Variants in PHKA1 observed in about 807,000 individuals in gnomAD.
PHKA1 encodes the protein phosphorylase b kinase regulatory subunit alpha, skeletal muscle isoform.
In PHKA1, 60 loss-of-function variants were observed where a neutral mutation model predicts 110.2. The observed-to-expected ratio is 0.54, with a 90% confidence interval of 0.44 to 0.68. The LOEUF (loss-of-function observed/expected upper bound fraction) is 0.68. Among genes scored for constraint, PHKA1 ranks in the 30% least tolerant of loss-of-function variants. The pLI is 0.00. For missense variants in PHKA1, 801 were observed against 942.5 expected (o/e 0.85, Z 1.97); for synonymous variants, 316 against 333.6 (o/e 0.95, Z 0.58).
At position 72,710,827 on chromosome X, in the gene PHKA1, TTTTTATTTTTTTATTTTTTTTTTTA is replaced by T. The variant is rs1345654967; in HGVS notation, c.237+1927_237+1951del. On this transcript the variant is annotated intron_variant, in intron 2 of 31. Coordinates refer to ENST00000373542, the MANE Select transcript of PHKA1 (RefSeq NM_002637.4). ...CTCTGTTAAATTCTTTATTTTTTAT[TTTTTATTTTTTTATTTTTTTTTTTA>T]TTTTTATTTTTATTTTTTATTTTTT... Among the ~76,000 whole-genome samples, 196 of 105,807 alleles carry T rather than the reference TTTTTATTTTTTTATTTTTTTTTTTA, an allele frequency of 1.9e-3. 1 individual carries two copies. Among genetic ancestry groups the T allele is most frequent in the Middle Eastern group, 9.6e-3 (2 of 208 alleles). The allele number at this position is 105,807 out of a possible 115,157, so 91.9% of individuals were successfully genotyped here.
chrX:72,633,283 C>T (rs929749322), intron 16 of PHKA1, among the ~76,000 whole-genome samples: 5 of 110,901 alleles, frequency 4.5e-5, no homozygotes, highest in Middle Eastern at 4.6e-3. Flanking sequence ...TGGATGGGAT[C>T]GGGGCCCTTA....
intron 4 of PHKA1, among the ~76,000 whole-genome samples, chrX:72,695,256 G>A (rs1300485450): frequency 9.0e-6 from 1 of 111,380 alleles, no homozygotes; most frequent in Non-Finnish European, 1.9e-5. Flanking sequence ...CCCAATTTAG[G>A]AAAAATAAAA....
At chrX:72,591,280 G>C (rs1364408316) in intron 29 of PHKA1, among the ~76,000 whole-genome samples, 1 of 111,620 alleles carries the variant, frequency 9.0e-6, no homozygotes, top group Non-Finnish European at 1.9e-5. Flanking sequence ...GACGAAGCTG[G>C]AGACCATCAT....
At position 72,618,822 on chromosome X, in the gene PHKA1, G is replaced by A. The variant is rs1375370088; in HGVS notation, c.2257C>T (p.Leu753Phe). 2.5e-6 allele frequency: 3 copies of A among 1,201,780 alleles called. No homozygotes were observed. The highest frequency in any genetic ancestry group is 3.5e-5 in the African/African-American group (2 of 57,072). ...ACCTCCCCAGACTGGTCTCTAGGAA[G>A]ATGTATTTCTACACGAACAGAGGGA... Reference protein sequence around the residue: ...QVPSVRVEIHLPRDQSGEVDF... With the variant: ...QVPSVRVEIHFPRDQSGEVDF... The change falls in exon 21 of 32, where the codon CTT becomes TTT. Residue 753 changes from leucine (L) to phenylalanine (F), a missense_variant. Coordinates refer to ENST00000373542, the MANE Select transcript of PHKA1 (RefSeq NM_002637.4).
chrX:72,641,862 C>T (rs113440787), intron 14 of PHKA1, among the ~76,000 whole-genome samples: 119 of 111,722 alleles, frequency 1.1e-3, no homozygotes, highest in African/African-American at 3.5e-3. Flanking sequence ...ATCTATCACG[C>T]TTTTCCTGAC....
chrX:72,607,802 A>C (rs1199967673), intron 23 of PHKA1, among the ~76,000 whole-genome samples: 1 of 111,474 alleles, frequency 9.0e-6, no homozygotes, highest in African/African-American at 3.3e-5. Flanking sequence ...GTCAACTTTC[A>C]ATAGCAGGCC....
intron 7 of PHKA1, among the ~76,000 whole-genome samples, chrX:72,667,165 C>A (rs1385373667): frequency 8.9e-6 from 1 of 112,172 alleles, no homozygotes; most frequent in Non-Finnish European, 1.9e-5. Flanking sequence ...TAACCTTTGG[C>A]TAGAGAACAG....
intron 3 of PHKA1, among the ~76,000 whole-genome samples, chrX:72,697,616 T>G (rs895414765): frequency 3.7e-5 from 4 of 109,559 alleles, no homozygotes; most frequent in Admixed American, 2.9e-4. Context: ...TTCACCTGAT[T>G]TTTTGACTAA....
At chrX:72,675,934 G>T in intron 6 of PHKA1, 136 bp downstream of exon 6, 1 of 513,324 alleles carries the variant, frequency 1.9e-6, no homozygotes, top group Non-Finnish European at 3.4e-6. Context: ...TTCTACAGGA[G>T]AATCTGAATG....
At chrX:72,674,242 T>C (rs1556310630) in intron 6 of PHKA1, among the ~76,000 whole-genome samples, 1 of 110,807 alleles carries the variant, frequency 9.0e-6, no homozygotes, top group African/African-American at 3.3e-5. Flanking sequence ...GTCTTTGCTA[T>C]TGTGAATAGT....
chrX:72,632,996 T>C (rs2053184853), intron 16 of PHKA1, among the ~76,000 whole-genome samples: 1 of 112,104 alleles, frequency 8.9e-6, no homozygotes, highest in Non-Finnish European at 1.9e-5. Flanking sequence ...TAAGCCTAGA[T>C]CTTTAGTTTT....
chrX:72,710,824 TA>T (rs2054361691), intron 2 of PHKA1, among the ~76,000 whole-genome samples: 1 of 105,829 alleles, frequency 9.4e-6, no homozygotes. Flanking sequence ...CTTTATTTTT[TA>T]TTTTTTATTT....
intron 29 of PHKA1, among the ~76,000 whole-genome samples, chrX:72,589,596 A>G (rs1343204355): frequency 1.8e-5 from 2 of 111,096 alleles, no homozygotes; most frequent in African/African-American, 6.5e-5. Flanking sequence ...GACAAGAGGA[A>G]GAAATAAAGG....
intron 29 of PHKA1, 148 bp from the exon 30 acceptor site, chrX:72,584,450 G>C: frequency 1.8e-6 from 1 of 565,408 alleles, no homozygotes; most frequent in Non-Finnish European, 3.0e-6. Context: ...GGGCTCTGCA[G>C]TCCAAGTGCC....
At chrX:72,655,843 A>G (rs2053489572) in intron 10 of PHKA1, among the ~76,000 whole-genome samples, 1 of 111,847 alleles carries the variant, frequency 8.9e-6, no homozygotes, top group Non-Finnish European at 1.9e-5. Context: ...GATGGTCTTG[A>G]TCTCCTGACC....
chrX:72,655,003 T>C (rs1471308169), intron 10 of PHKA1, among the ~76,000 whole-genome samples: 1 of 109,918 alleles, frequency 9.1e-6, no homozygotes, highest in Non-Finnish European at 1.9e-5. Context: ...TTCACCGTTT[T>C]AGCCGGGATG....
intron 6 of PHKA1, among the ~76,000 whole-genome samples, chrX:72,675,151 G>T (rs781939997): frequency 3.3e-4 from 36 of 108,729 alleles, no homozygotes; most frequent in Non-Finnish European, 6.9e-4. Flanking sequence ...TCGTGCCACT[G>T]CACTCCAGCC....
intron 21 of PHKA1, among the ~76,000 whole-genome samples, chrX:72,615,856 C>T (rs2052889475): frequency 9.1e-6 from 1 of 109,779 alleles, no homozygotes; most frequent in Admixed American, 9.7e-5. Context: ...CCCTTACCTA[C>T]CAATAATTAC....
At chrX:72,587,241 G>C (rs1556215067) in intron 29 of PHKA1, among the ~76,000 whole-genome samples, 1 of 111,764 alleles carries the variant, frequency 8.9e-6, no homozygotes, top group Non-Finnish European at 1.9e-5. Context: ...TCTCTCGGCA[G>C]AAACTCTACA....
Sources: gnomAD v4.1 joint callset for allele counts (sites outside exome capture counted in the v4.1 genomes callset) on GRCh38, gnomAD v4.1.1 for gene constraint, MANE v1.5 for transcripts, NCBI Gene and HGNC (gene_info 2026-07-23, HGNC 2026-07-21) for gene names.